Variants in ADAM10 observed in about 807,000 individuals in gnomAD.
ADAM10 encodes the protein ADAM metallopeptidase domain 10.
A neutral mutation model predicts 90.1 loss-of-function variants in ADAM10; 17 were observed. The ratio of observed to expected loss-of-function variants is 0.19; its 90% confidence interval spans 0.13 to 0.28. The LOEUF is 0.28. Among genes scored for constraint, ADAM10 ranks in the 10% least tolerant of loss-of-function variants. ADAM10 has a pLI of 1.00. For missense variants in ADAM10, 610 were observed against 914.3 expected, an observed-to-expected ratio of 0.67 and a Z score of 4.29; for synonymous variants, 310 against 298.6, an observed-to-expected ratio of 1.04 and a Z score of -0.40.
At chr15:58,689,651 A>G (rs1307671846) in intron 2 of ADAM10, among the ~76,000 whole-genome samples, 1 of 152,184 alleles carries the variant, frequency 6.6e-6, no homozygotes, top group Non-Finnish European at 1.5e-5. Flanking sequence ...CCAGTACTGC[A>G]GACATTGAGT....
chr15:58,621,766 C>G, intron 10 of ADAM10, 145 bp from the exon 11 acceptor site: 4 of 1,035,102 alleles, frequency 3.9e-6, no homozygotes, highest in Non-Finnish European at 5.7e-6. Context: ...CTGGAAATTA[C>G]GAGACCTAAT....
chr15:58,713,392 C>A (rs1269656838), intron 2 of ADAM10, among the ~76,000 whole-genome samples: 2 of 152,164 alleles, frequency 1.3e-5, no homozygotes, highest in African/African-American at 4.8e-5. Flanking sequence ...AGACATGAGC[C>A]ACCATGTCCA....
chr15:58,704,925 T>C (rs1209440630), intron 2 of ADAM10, among the ~76,000 whole-genome samples: 1 of 152,172 alleles, frequency 6.6e-6, no homozygotes, highest in East Asian at 1.9e-4. Flanking sequence ...AAGCATATGA[T>C]GGAAAAAGTC....
chr15:58,621,761 A>T, intron 10 of ADAM10, 140 bp from the exon 11 acceptor site: 1 of 1,072,866 alleles, frequency 9.3e-7, no homozygotes, highest in Non-Finnish European at 1.4e-6. Context: ...GGAATCTGGA[A>T]ATTACGAGAC....
chr15:58,661,148 A>C (rs534978271), intron 5 of ADAM10, among the ~76,000 whole-genome samples: 1 of 152,380 alleles, frequency 6.6e-6, no homozygotes, highest in African/African-American at 2.4e-5. Flanking sequence ...TATATTACAA[A>C]ATCCATTATA....
intron 8 of ADAM10, among the ~76,000 whole-genome samples, chr15:58,638,073 T>C (rs1464556353): frequency 6.6e-6 from 1 of 152,188 alleles, no homozygotes; most frequent in Non-Finnish European, 1.5e-5. Context: ...AAAGATCCCT[T>C]TTCTTTCCCA....
intron 4 of ADAM10, among the ~76,000 whole-genome samples, chr15:58,667,250 G>A (rs1252837049): frequency 2.6e-5 from 4 of 152,006 alleles, no homozygotes; most frequent in African/African-American, 9.7e-5. Flanking sequence ...TTGTTTTGTT[G>A]TTCAAGACAC....
chr15:58,741,308 G>T (rs1595672306), intron 1 of ADAM10, among the ~76,000 whole-genome samples: 1 of 150,992 alleles, frequency 6.6e-6, no homozygotes, highest in Admixed American at 6.7e-5. Context: ...GAACTGAATA[G>T]CCTAATTCCA....
At chr15:58,683,273 C>T (rs74017270) in intron 2 of ADAM10, among the ~76,000 whole-genome samples, 8,177 of 151,942 alleles carry the variant, frequency 0.054, 736 homozygotes, top group African/African-American at 0.18. Flanking sequence ...CAAAGTATTA[C>T]GTCTTTTTTT....
chr15:58,635,880 G>A (rs550674200), intron 8 of ADAM10, among the ~76,000 whole-genome samples: 1 of 151,952 alleles, frequency 6.6e-6, no homozygotes, highest in African/African-American at 2.4e-5. Flanking sequence ...TTTAAGAGAA[G>A]AGTATACATA....
intron 2 of ADAM10, among the ~76,000 whole-genome samples, chr15:58,701,306 C>T (rs1340155264): frequency 1.3e-5 from 2 of 151,798 alleles, no homozygotes; most frequent in African/African-American, 4.8e-5. Flanking sequence ...AAAGAAGACA[C>T]AGAAATGTTG....
intron 8 of ADAM10, among the ~76,000 whole-genome samples, chr15:58,639,671 C>T (rs1896362014): frequency 6.6e-6 from 1 of 151,958 alleles, no homozygotes; most frequent in African/African-American, 2.4e-5. Flanking sequence ...AAAATGACAT[C>T]ATGAAATTGA....
intron 1 of ADAM10, chr15:58,748,768 A>C (rs1317597241): frequency 1.5e-5 from 6 of 396,284 alleles, no homozygotes; most frequent in Non-Finnish European, 2.7e-5. Flanking sequence ...CCTGGGCGAC[A>C]GAATGTTTTC....
At chr15:58,641,431 T>C (rs557168219) in intron 7 of ADAM10, among the ~76,000 whole-genome samples, 1 of 152,194 alleles carries the variant, frequency 6.6e-6, no homozygotes, top group East Asian at 1.9e-4. Flanking sequence ...AGACTGTCAG[T>C]TCAGCAGACA....
At chr15:58,647,262 T>A (rs1194917351) in intron 5 of ADAM10, among the ~76,000 whole-genome samples, 1 of 110,136 alleles carries the variant, frequency 9.1e-6, no homozygotes, top group East Asian at 2.4e-4. Flanking sequence ...TTTTTTTTTT[T>A]TTTTTTTTTT....
At chr15:58,647,243 TA>T in intron 5 of ADAM10, among the ~76,000 whole-genome samples, 3 of 133,732 alleles carry the variant, frequency 2.2e-5, no homozygotes, top group Non-Finnish European at 4.7e-5. Flanking sequence ...GAGTAGACAC[TA>T]AGTATTTTTT....
chr15:58,642,830 CAATT>C (rs1300788341), intron 7 of ADAM10, among the ~76,000 whole-genome samples: 2 of 152,214 alleles, frequency 1.3e-5, no homozygotes, highest in South Asian at 2.1e-4. Flanking sequence ...TACATGAAAG[CAATT>C]AATTATGAAC....
intron 5 of ADAM10, among the ~76,000 whole-genome samples, chr15:58,658,926 T>C (rs541033096): frequency 2.0e-5 from 3 of 152,264 alleles, no homozygotes; most frequent in Non-Finnish European, 4.4e-5. Context: ...CTTTCATTTA[T>C]TTTTCTTGCC....
chr15:58,694,400 G>A (rs374687559), intron 2 of ADAM10, among the ~76,000 whole-genome samples: 1 of 152,006 alleles, frequency 6.6e-6, no homozygotes, highest in African/African-American at 2.4e-5. Context: ...GCAGTGAGCC[G>A]AGATCACGAC....
Sources: allele counts gnomAD v4.1 joint callset (sites outside exome capture counted in the v4.1 genomes callset), GRCh38; gene constraint gnomAD v4.1.1; transcripts MANE v1.5; gene names NCBI Gene and HGNC (gene_info 2026-07-23, HGNC 2026-07-21).